The following EDRF1 variants were observed in gnomAD, a reference collection of about 807,000 sequenced individuals.
EDRF1 encodes the protein erythroid differentiation regulatory factor 1.
Under a neutral mutation model 148.7 loss-of-function variants are expected in EDRF1, and 69 were observed. The ratio of observed to expected loss-of-function variants is 0.46; its 90% CI spans 0.38 to 0.57. The LOEUF is 0.57. Among genes scored for constraint, EDRF1 ranks in the 20% least tolerant of loss-of-function variants. EDRF1 has a pLI of 0.00. For synonymous variants in EDRF1, 515 were observed against 532.8 expected (o/e 0.97, Z 0.46); for missense variants, 1,118 against 1,478.7 (o/e 0.76, Z 4.00).
chr10:125,741,339 C>T lies in EDRF1; in HGVS notation c.2371+138C>T, dbSNP rs550062502. The T allele has an allele frequency of 6.7e-5, 63 of 939,172 alleles. 1 individual carries two copies. The highest frequency in any genetic ancestry group is 4.9e-4 in the South Asian group (35 of 71,376). 58.2% of individuals were successfully genotyped at this position (939,172 alleles called of 1,614,324 possible). On this transcript the variant is annotated intron_variant, in intron 17 of 24. Coordinates refer to ENST00000356792, the MANE Select transcript of EDRF1 (RefSeq NM_001202438.2). ...GTATTTATTTATTTATTTTTTGAGA[C>T]GGAGTTTCGCTCTTGTTGCCCAAGC...
At position 125,737,994 on chromosome 10, in the gene EDRF1, G is replaced by A; in HGVS notation, c.1830+5G>A. The A allele has an allele frequency of 6.2e-7, 1 of 1,613,632 alleles. No homozygotes were observed. The highest frequency in any genetic ancestry group is 1.3e-5 in the African/African-American group (1 of 75,030). On this transcript the variant is annotated splice_donor_5th_base_variant and intron_variant, in intron 14 of 24. Coordinates refer to ENST00000356792, the MANE Select transcript of EDRF1 (RefSeq NM_001202438.2). ...GTGCTTAGCTATGTTCTAGAGGTAA[G>A]TTTAAGTTTAGTCTTCACTTTTTTC...
intron 18 of EDRF1, among the ~76,000 whole-genome samples, chr10:125,744,285 C>G (rs1849214744): frequency 1.3e-5 from 2 of 150,244 alleles, no homozygotes; most frequent in Admixed American, 1.3e-4. Flanking sequence ...GTGGCATAAT[C>G]ATAGCTTGCC....
At chr10:125,720,820 A>T (rs1024513263) in intron 1 of EDRF1, among the ~76,000 whole-genome samples, 1 of 152,156 alleles carries the variant, frequency 6.6e-6, no homozygotes. Flanking sequence ...CAAAAAAAAA[A>T]AAAAAAAGAA....
At chr10:125,721,584 A>C (rs999891746) in intron 2 of EDRF1, among the ~76,000 whole-genome samples, 172 bp downstream of exon 2, 8 of 152,260 alleles carry the variant, frequency 5.3e-5, no homozygotes, top group African/African-American at 1.9e-4. Context: ...ATGTTAAAAC[A>C]TGAAGATATA....
intron 24 of EDRF1, chr10:125,761,418 G>A (rs906688375): frequency 1.6e-5 from 3 of 193,012 alleles, no homozygotes; most frequent in East Asian, 3.1e-4. Flanking sequence ...GTGGCTTTGC[G>A]GTTTAATATA....
intron 24 of EDRF1, among the ~76,000 whole-genome samples, chr10:125,754,439 C>T (rs112203214): frequency 0.013 from 1,948 of 152,208 alleles, 44 homozygotes; most frequent in African/African-American, 0.044. Flanking sequence ...GATGAATAAC[C>T]CTGGAATGAA....
chr10:125,729,551 G>A (rs956779616), intron 8 of EDRF1, 72 bp downstream of exon 8: 47 of 1,588,790 alleles, frequency 3.0e-5, no homozygotes, highest in Non-Finnish European at 3.8e-5. Context: ...TGTTCCATCA[G>A]ACTGAGGTTG....
chr10:125,752,583 T>C (rs2133755015), intron 22 of EDRF1, among the ~76,000 whole-genome samples: 1 of 152,252 alleles, frequency 6.6e-6, no homozygotes. Flanking sequence ...AACCAAATGG[T>C]GGGGCAGGGA....
intron 18 of EDRF1, among the ~76,000 whole-genome samples, chr10:125,744,236 TGAGACA>T (rs1849207656): frequency 6.8e-6 from 1 of 147,770 alleles, no homozygotes. Context: ...TTTTTTTTTT[TGAGACA>T]GGGTTTTACT....
intron 8 of EDRF1, among the ~76,000 whole-genome samples, chr10:125,729,901 A>G (rs890939585): frequency 7.9e-5 from 12 of 152,128 alleles, no homozygotes; most frequent in Admixed American, 3.3e-4. Flanking sequence ...ACTTGTGAGC[A>G]TTTTTCTTAA....
At chr10:125,759,333 G>C (rs192633491) in intron 24 of EDRF1, among the ~76,000 whole-genome samples, 1 of 152,302 alleles carries the variant, frequency 6.6e-6, no homozygotes, top group Non-Finnish European at 1.5e-5. Flanking sequence ...GTATCAGCCT[G>C]TCTCTCCTTA....
At chr10:125,728,292 G>A (rs970828849) in intron 6 of EDRF1, among the ~76,000 whole-genome samples, 1 of 151,728 alleles carries the variant, frequency 6.6e-6, no homozygotes, top group Non-Finnish European at 1.5e-5. Flanking sequence ...AGATAAAGTA[G>A]ATTTTTCTAT....
intron 17 of EDRF1, 113 bp downstream of exon 17, chr10:125,741,314 GTATT>G (rs758654778): frequency 3.5e-5 from 36 of 1,023,802 alleles, no homozygotes; most frequent in Middle Eastern, 2.0e-4. Context: ...TATTTGCTCT[GTATT>G]TATTTATTTA....
intron 17 of EDRF1, 84 bp downstream of exon 17, chr10:125,741,285 A>G (rs1218926322): frequency 2.5e-6 from 3 of 1,186,892 alleles, no homozygotes; most frequent in Non-Finnish European, 1.2e-6. Flanking sequence ...GAAAAGGGGT[A>G]GAAATATTAG....
rs1398046893 is a variant in EDRF1 at position 125,740,591 on chromosome 10, A to G, written c.2110A>G (p.Met704Val). The G allele has an allele frequency of 1.2e-6, 2 of 1,614,038 alleles. No individual in the cohort carries two copies. The highest frequency in any genetic ancestry group is 1.7e-6 in the Non-Finnish European group (2 of 1,180,040). ...KAYYVLSDAAMSLQKYGRALR... is the reference protein window; with the variant it reads ...KAYYVLSDAAVSLQKYGRALR... Reference sequence around the variant, plus strand: ...CTATTATGTTTTGTCCGATGCTGCCATGAGTCTTCAGAAATACGGAAGAGC... The same window carrying G: ...CTATTATGTTTTGTCCGATGCTGCCGTGAGTCTTCAGAAATACGGAAGAGC... Residue 704 changes from methionine to valine, a missense_variant, in exon 16 of 25, where the codon ATG (methionine) becomes GTG (valine). Physicochemically the swap from Met to Val is conservative, Grantham distance 21. Coordinates refer to ENST00000356792, the MANE Select transcript of EDRF1 (RefSeq NM_001202438.2).
intron 24 of EDRF1, among the ~76,000 whole-genome samples, chr10:125,755,243 T>A (rs1262042198): frequency 6.6e-6 from 1 of 152,280 alleles, no homozygotes; most frequent in Non-Finnish European, 1.5e-5. Context: ...GTGCTTTTAT[T>A]ACATTTATTG....
chr10:125,743,166 G>A lies in EDRF1; in HGVS notation c.2480G>A (p.Ser827Asn), dbSNP rs762518137. Reference sequence around the variant, plus strand: ...ATCTTGCAGTTTAGTGACTTGAAAAGCCAAAATCCAGAACACTATGTACAA... The same window carrying A: ...ATCTTGCAGTTTAGTGACTTGAAAAACCAAAATCCAGAACACTATGTACAA... ...NEILQFSDLK[S>N]QNPEHYVQVL... The change falls in exon 18 of 25, where the codon AGC becomes AAC. Residue 827 changes from serine to asparagine, a missense_variant. Physicochemically the swap from Ser to Asn is conservative, Grantham distance 46 (BLOSUM62 1). Transcript: ENST00000356792. 3 of 1,613,914 alleles carry A rather than the reference G, an allele frequency of 1.9e-6. No individual in the cohort carries two copies. The South Asian group carries it at 3.3e-5, about 18-fold the overall frequency.
In EDRF1 at chr10:125,745,857, C is replaced by G; in HGVS notation, c.2741C>G (p.Ala914Gly). The stretch of plus-strand genomic sequence containing the variant: ...ACGGGAAGGCTCATGCGGATTTGTG[C>G]GCAGGCCCACTGTGGTGCAGGGGAT... ...CNTGRLMRIC[A>G]QAHCGAGDEL... The change falls in exon 19 of 25, where the codon GCG (alanine) becomes GGG (glycine). Residue 914 changes from alanine (A) to glycine (G), a missense_variant. By Grantham distance (60) the Ala-to-Gly change is moderately conservative. This residue lies in a region of EDRF1 where 954 missense variants were observed against 1,241.4 expected (regional missense o/e 0.77). Transcript: ENST00000356792. The G allele has an allele frequency of 1.2e-6, 2 of 1,614,204 alleles. No individual in the cohort carries two copies.
At chr10:125,756,658 C>T in intron 24 of EDRF1, 1 of 311,450 alleles carries the variant, frequency 3.2e-6, no homozygotes, top group Non-Finnish European at 6.2e-6. Context: ...GAGAACTGAC[C>T]TCCTTATTAC....
Sources: gnomAD v4.1 joint callset for allele counts (sites outside exome capture counted in the v4.1 genomes callset) on GRCh38, gnomAD v4.1.1 for gene constraint, gnomAD v4.1.1 regional missense constraint, MANE v1.5 for transcripts, NCBI Gene and HGNC (gene_info 2026-07-23, HGNC 2026-07-21) for gene names.